Variants in C1orf105 observed in about 807,000 individuals in gnomAD.
The protein encoded by C1orf105 is chromosome 1 open reading frame 105, also known as uncharacterized protein C1orf105.
In C1orf105, 17 loss-of-function variants were observed where a neutral mutation model predicts 20.8. That is an observed-to-expected ratio of 0.82 (90% CI 0.56 to 1.23). The LOEUF (loss-of-function observed/expected upper bound fraction) is 1.23. Ranked by LOEUF, C1orf105 falls within the 50% of genes most tolerant of loss-of-function variation. C1orf105 has a pLI of 0.00. For synonymous variants in C1orf105, 72 were observed against 72.1 expected, an observed-to-expected ratio of 1.00 and a Z score of 0.01; for missense variants, 219 against 213.5, an observed-to-expected ratio of 1.03 and a Z score of -0.16.
At chr1:172,435,029 C>T (rs976215169) in intron 1 of C1orf105, among the ~76,000 whole-genome samples, 1 of 152,314 alleles carries the variant, frequency 6.6e-6, no homozygotes, top group African/African-American at 2.4e-5. Context: ...CACATACACC[C>T]TCCCACAACT....
At chr1:172,440,022 T>C (rs1401648346) in intron 1 of C1orf105, among the ~76,000 whole-genome samples, 12 of 152,184 alleles carry the variant, frequency 7.9e-5, no homozygotes, top group Admixed American at 5.9e-4. Context: ...ACCAATTTTT[T>C]TTATCACAAA....
intron 5 of C1orf105, among the ~76,000 whole-genome samples, chr1:172,464,581 T>C (rs1380241376): frequency 1.3e-5 from 2 of 152,056 alleles, no homozygotes; most frequent in Non-Finnish European, 2.9e-5. Flanking sequence ...ATGGGAAGGT[T>C]CTAACCAAAA....
intron 1 of C1orf105, among the ~76,000 whole-genome samples, chr1:172,437,542 C>T (rs1247512021): frequency 8.1e-6 from 1 of 123,444 alleles, no homozygotes; most frequent in Non-Finnish European, 1.6e-5. Context: ...AATGAGAACA[C>T]TTTGACACAG....
chr1:172,431,650 G>A (rs1351482808), intron 1 of C1orf105, among the ~76,000 whole-genome samples: 2 of 152,254 alleles, frequency 1.3e-5, no homozygotes, highest in Non-Finnish European at 2.9e-5. Context: ...AACAGCTCCA[G>A]TCTGCAGCTC....
intron 3 of C1orf105, among the ~76,000 whole-genome samples, chr1:172,454,631 G>T (rs961000824): frequency 1.3e-5 from 2 of 151,942 alleles, no homozygotes; most frequent in African/African-American, 4.8e-5. Flanking sequence ...CCAGGTTGTT[G>T]TATAGTGTTT....
rs191476087 is a variant in C1orf105, at chr1:172,428,404, T to C, written c.21+7498T>C. Among the ~76,000 whole-genome samples the C allele has an allele frequency of 1.8e-4, 27 of 152,346 alleles. No individual in the cohort carries two copies. In the East Asian group the frequency reaches 5.2e-3, roughly 29 times the overall value. On this transcript the variant is annotated intron_variant, in intron 1 of 6. Transcript: ENST00000367727. ...AGAGTAAAAGCCTAAGCTAGTAGCTTACAATGTCATACATAATCTAGCTTC... is the reference window on the plus strand; with the variant it reads ...AGAGTAAAAGCCTAAGCTAGTAGCTCACAATGTCATACATAATCTAGCTTC...
intron 4 of C1orf105, among the ~76,000 whole-genome samples, chr1:172,459,096 G>A (rs920668517): frequency 5.9e-5 from 9 of 152,102 alleles, no homozygotes; most frequent in African/African-American, 2.2e-4. Context: ...ACTCTTAGAA[G>A]AAAACATAGG....
intron 6 of C1orf105, chr1:172,465,827 C>G (rs1480866372): frequency 2.7e-6 from 1 of 366,640 alleles, no homozygotes. Flanking sequence ...TTCTTATCTT[C>G]ACTTGCTGTT....
Position 172,465,351 on chromosome 1 carries a change from G to A in C1orf105, c.394G>A (p.Asp132Asn). The A allele has an allele frequency of 1.2e-6, 2 of 1,610,742 alleles. No homozygotes were observed. The highest frequency in any genetic ancestry group is 1.1e-5 in the South Asian group (1 of 91,004). Residue 132 changes from aspartate to asparagine, a missense_variant, in exon 6 of 7, where the codon GAC (aspartate) becomes AAC (asparagine). Coordinates refer to ENST00000367727, the MANE Select transcript of C1orf105 (RefSeq NM_139240.4). The stretch of plus-strand genomic sequence containing the variant: ...GACTACACCTGAGCCTTTCCATGAT[G>A]ACATCCCAACAGGTTTGCTTTCTTT... ...FQTTPEPFHD[D>N]IPTESIHYRL... is the part of the protein sequence containing the mutation.
chr1:172,457,028 T>G (rs180701288), intron 4 of C1orf105, among the ~76,000 whole-genome samples: 2 of 152,096 alleles, frequency 1.3e-5, no homozygotes, highest in African/African-American at 4.8e-5. Context: ...GGGAGGAATA[T>G]TAGGAAAAGA....
At chr1:172,426,372 C>T (rs9425315) in intron 1 of C1orf105, among the ~76,000 whole-genome samples, 96,798 of 151,978 alleles carry the variant, frequency 0.64, 34,479 homozygotes, top group East Asian at 0.99. Flanking sequence ...GCACTATCTA[C>T]ATGACCCTAT....
At chr1:172,431,526 G>A (rs2071873697) in intron 1 of C1orf105, among the ~76,000 whole-genome samples, 1 of 152,248 alleles carries the variant, frequency 6.6e-6, no homozygotes, top group Admixed American at 6.5e-5. Context: ...AGCCATCTCT[G>A]TAACATAAAA....
intron 1 of C1orf105, chr1:172,442,428 A>C (rs550442979): frequency 9.9e-6 from 16 of 1,614,054 alleles, no homozygotes; most frequent in Admixed American, 6.7e-5. Flanking sequence ...CAAAAACACA[A>C]ACACTGCACA....
At chr1:172,449,514 G>A (rs929154335) in intron 3 of C1orf105, among the ~76,000 whole-genome samples, 6 of 152,124 alleles carry the variant, frequency 3.9e-5, no homozygotes. Context: ...GAGAAGAGAA[G>A]ATTATCAGCA....
At chr1:172,450,052 A>G (rs1648440245) in intron 3 of C1orf105, among the ~76,000 whole-genome samples, 1 of 152,220 alleles carries the variant, frequency 6.6e-6, no homozygotes, top group African/African-American at 2.4e-5. Context: ...ATTCTCCAGC[A>G]GGGTATAGCG....
rs1285670659 is a variant in C1orf105 at position 172,456,391 on chromosome 1, C to G, written c.199-24C>G. 4.4e-6 allele frequency: 7 copies of G among 1,604,154 alleles called. No homozygotes were observed. In the East Asian group the frequency reaches 1.6e-4, roughly 36 times the overall value. ...TACATGCCCCACCATTTCCTCACCTCTCTCTGTCTCTCTTTCCCCTCAGGC... is the reference window on the plus strand; with the variant it reads ...TACATGCCCCACCATTTCCTCACCTGTCTCTGTCTCTCTTTCCCCTCAGGC... On this transcript the variant is annotated intron_variant, in intron 3 of 6. Transcript: ENST00000367727.
At chr1:172,453,131 C>T (rs1648843399) in intron 3 of C1orf105, 1 of 1,550,878 alleles carries the variant, frequency 6.4e-7, no homozygotes, top group Non-Finnish European at 8.7e-7. Context: ...ATCCCTTCTC[C>T]AGATAGAAAT....
At chr1:172,455,342 CCCA>C (rs1345046416) in intron 3 of C1orf105, among the ~76,000 whole-genome samples, 1 of 152,098 alleles carries the variant, frequency 6.6e-6, no homozygotes, top group Non-Finnish European at 1.5e-5. Flanking sequence ...CTTTCTGTTC[CCCA>C]CACTTCCCAG....
intron 1 of C1orf105, among the ~76,000 whole-genome samples, chr1:172,436,305 C>T (rs1030031074): frequency 6.6e-6 from 1 of 152,126 alleles, no homozygotes; most frequent in Non-Finnish European, 1.5e-5. Context: ...GTAAAAAGAA[C>T]AAAGTTGGAG....
Sources: gnomAD v4.1 joint callset for allele counts (sites outside exome capture counted in the v4.1 genomes callset) on GRCh38, gnomAD v4.1.1 for gene constraint, MANE v1.5 for transcripts, NCBI Gene and HGNC (gene_info 2026-07-23, HGNC 2026-07-21) for gene names.